The following GRID2 variants were observed in gnomAD, a reference collection of about 807,000 sequenced individuals.
GRID2 encodes glutamate ionotropic receptor delta type subunit 2.
Under a neutral mutation model 114.8 loss-of-function variants are expected in GRID2, and 33 were observed. The ratio of observed to expected loss-of-function variants is 0.29; its 90% CI spans 0.22 to 0.38. GRID2 has a LOEUF of 0.38. Among genes scored for constraint, GRID2 ranks in the 10% least tolerant of loss-of-function variants. The pLI, the probability that GRID2 is intolerant of heterozygous loss-of-function variation, is 1.00. For missense variants in GRID2, 1,184 were observed against 1,257.7 expected, an observed-to-expected ratio of 0.94 and a Z score of 0.89; for synonymous variants, 505 against 449.9, an observed-to-expected ratio of 1.12 and a Z score of -1.55.
At chr4:92,375,268 T>G (rs921769305) in intron 1 of GRID2, among the ~76,000 whole-genome samples, 1 of 152,188 alleles carries the variant, frequency 6.6e-6, no homozygotes, top group Non-Finnish European at 1.5e-5. Flanking sequence ...AGAATCATGT[T>G]CATGAAACCA....
At chr4:93,753,480 C>T (rs1222027517) in intron 14 of GRID2, among the ~76,000 whole-genome samples, 2 of 152,146 alleles carry the variant, frequency 1.3e-5, no homozygotes, top group Admixed American at 1.3e-4. Context: ...TCTTCTAGTG[C>T]TATCCCTCCC....
chr4:93,316,713 A>C lies in GRID2; in HGVS notation c.1245+78223A>C, dbSNP rs542873222. Among the ~76,000 whole-genome samples the C allele has an allele frequency of 9.1e-4, 138 of 152,290 alleles. 1 individual carries two copies. Among genetic ancestry groups the C allele is most frequent in the African/African-American group, 3.2e-3 (135 of 41,572 alleles). On this transcript the variant is annotated intron_variant, in intron 8 of 15. Coordinates refer to ENST00000282020, the MANE Select transcript of GRID2 (RefSeq NM_001510.4). Reference sequence around the variant, plus strand: ...GGTCACATGTGATTCATTAGTTTAGAGAACCAAGTTACTTGGCTGTATTTC... The same window carrying C: ...GGTCACATGTGATTCATTAGTTTAGCGAACCAAGTTACTTGGCTGTATTTC...
At chr4:93,094,535 T>C (rs1010527983) in intron 3 of GRID2, among the ~76,000 whole-genome samples, 1 of 151,882 alleles carries the variant, frequency 6.6e-6, no homozygotes, top group Non-Finnish European at 1.5e-5. Context: ...TCATTGATAA[T>C]GAGAAATTAA....
intron 2 of GRID2, among the ~76,000 whole-genome samples, chr4:92,993,672 A>G (rs966834323): frequency 1.3e-5 from 2 of 152,222 alleles, no homozygotes; most frequent in African/African-American, 2.4e-5. Flanking sequence ...TTGTTTCCAC[A>G]TAGATCTCAG....
intron 2 of GRID2, among the ~76,000 whole-genome samples, chr4:92,940,068 T>A (rs1370941370): frequency 1.4e-5 from 2 of 147,122 alleles, no homozygotes; most frequent in Admixed American, 1.5e-4. Flanking sequence ...TGGTTCCATA[T>A]GAAATTTAAA....
chr4:92,494,788 G>A (rs570589227), intron 1 of GRID2, among the ~76,000 whole-genome samples: 13 of 152,098 alleles, frequency 8.5e-5, no homozygotes, highest in Non-Finnish European at 1.9e-4. Context: ...AAGGGGCTAT[G>A]TACACAGTAG....
intron 9 of GRID2, among the ~76,000 whole-genome samples, chr4:93,406,624 G>C (rs555189478): frequency 6.6e-6 from 1 of 152,220 alleles, no homozygotes; most frequent in Admixed American, 6.6e-5. Context: ...TGGGGAGATC[G>C]TATTGTATCA....
At chr4:92,725,257 T>C (rs1446663306) in intron 2 of GRID2, among the ~76,000 whole-genome samples, 1 of 152,058 alleles carries the variant, frequency 6.6e-6, no homozygotes, top group Non-Finnish European at 1.5e-5. Flanking sequence ...TGAGCTGAGA[T>C]TGCGCCACTA....
chr4:93,656,712 C>A (rs1465939691), intron 14 of GRID2, among the ~76,000 whole-genome samples: 3 of 138,454 alleles, frequency 2.2e-5, no homozygotes, highest in African/African-American at 7.7e-5. Flanking sequence ...CACCTGTAGT[C>A]CCAGCTACTC....
intron 2 of GRID2, among the ~76,000 whole-genome samples, chr4:93,028,955 A>G (rs983471104): frequency 2.0e-4 from 30 of 152,242 alleles, no homozygotes; most frequent in African/African-American, 5.3e-4. Flanking sequence ...CAAGCAGAGC[A>G]GGAGAATAAT....
chr4:93,647,380 T>A (rs926417320), intron 14 of GRID2, among the ~76,000 whole-genome samples: 2 of 152,120 alleles, frequency 1.3e-5, no homozygotes, highest in Admixed American at 1.3e-4. Context: ...AATTCAGAGG[T>A]TCAACAGGAC....
intron 3 of GRID2, among the ~76,000 whole-genome samples, chr4:93,110,535 T>C (rs1732664849): frequency 1.3e-5 from 2 of 152,150 alleles, no homozygotes; most frequent in Admixed American, 6.6e-5. Context: ...AAGAAATCCA[T>C]TTAAAAAATA....
At chr4:92,554,693 AAG>A (rs1448520074) in intron 1 of GRID2, among the ~76,000 whole-genome samples, 1 of 152,202 alleles carries the variant, frequency 6.6e-6, no homozygotes, top group Non-Finnish European at 1.5e-5. Flanking sequence ...AGTTTCCAAA[AAG>A]AGATTATTAT....
At chr4:93,749,180 T>A (rs1052326916) in intron 14 of GRID2, among the ~76,000 whole-genome samples, 4 of 152,132 alleles carry the variant, frequency 2.6e-5, no homozygotes, top group Non-Finnish European at 5.9e-5. Context: ...GTTAGGGGAT[T>A]TTTAAAAACA....
chr4:93,046,711 G>A (rs1162499956), intron 2 of GRID2, among the ~76,000 whole-genome samples: 1 of 151,966 alleles, frequency 6.6e-6, no homozygotes, highest in Non-Finnish European at 1.5e-5. Flanking sequence ...TTCTAAATCA[G>A]ATTCTTTTTG....
chr4:92,650,729 A>G (rs1002513572), intron 2 of GRID2, among the ~76,000 whole-genome samples: 1 of 151,764 alleles, frequency 6.6e-6, no homozygotes, highest in Non-Finnish European at 1.5e-5. Context: ...AGGGAGCACA[A>G]ATGTAGATAG....
At chr4:92,405,619 T>A (rs1730989930) in intron 1 of GRID2, among the ~76,000 whole-genome samples, 1 of 151,994 alleles carries the variant, frequency 6.6e-6, no homozygotes, top group Non-Finnish European at 1.5e-5. Flanking sequence ...ATGTATATGG[T>A]GTTTCCACAT....
rs528834571 is a variant in GRID2 at position 92,526,407 on chromosome 4, G to A, written c.89-63724G>A. On this transcript the variant is annotated intron_variant, in intron 1 of 15. Coordinates refer to ENST00000282020, the MANE Select transcript of GRID2 (RefSeq NM_001510.4). Reference sequence around the variant, plus strand: ...TGCCCAGGCAGGAGTGCAATGGAGCGATCTCGGCTCACTGCAACCTCCACC... The same window carrying A: ...TGCCCAGGCAGGAGTGCAATGGAGCAATCTCGGCTCACTGCAACCTCCACC... Among the ~76,000 whole-genome samples, 69 of 152,108 alleles carry A rather than the reference G, an allele frequency of 4.5e-4. No homozygotes were observed. The South Asian group carries it at 0.013, about 28-fold the overall frequency.
chr4:93,198,092 C>T (rs1015884375), intron 4 of GRID2, among the ~76,000 whole-genome samples: 7 of 151,894 alleles, frequency 4.6e-5, no homozygotes, highest in Admixed American at 6.6e-5. Flanking sequence ...CTCTTATTTC[C>T]GCAAGCAACA....
Sources: gnomAD v4.1 joint callset for allele counts (sites outside exome capture counted in the v4.1 genomes callset) on GRCh38, gnomAD v4.1.1 for gene constraint, MANE v1.5 for transcripts, NCBI Gene and HGNC (gene_info 2026-07-23, HGNC 2026-07-21) for gene names.